The following PCLO variants were observed in gnomAD, a reference collection of about 807,000 sequenced individuals.
The protein encoded by PCLO is protein piccolo.
PCLO carries 82 observed loss-of-function variants against 427.5 expected under a neutral mutation model. The observed-to-expected ratio is 0.19, with a 90% CI of 0.16 to 0.23. The LOEUF is 0.23. PCLO is among the 10% of genes least tolerant of loss of function. The pLI is 1.00. For synonymous variants in PCLO, 2,357 were observed against 2,155.4 expected (o/e 1.09, Z -2.59); for missense variants, 6,239 against 6,115.9 (o/e 1.02, Z -0.67).
intron 3 of PCLO, among the ~76,000 whole-genome samples, chr7:83,027,240 T>A: frequency 7.0e-6 from 1 of 142,204 alleles, no homozygotes; most frequent in African/African-American, 2.6e-5. Context: ...GAGAGAAGAA[T>A]CAAATAGACG....
At chr7:82,833,749 G>A (rs1441218177) in intron 16 of PCLO, among the ~76,000 whole-genome samples, 1 of 152,048 alleles carries the variant, frequency 6.6e-6, no homozygotes, top group Non-Finnish European at 1.5e-5. Context: ...GATACACATT[G>A]CTAGCAATAA....
chr7:83,017,259 G>A (rs1384377805), intron 3 of PCLO, among the ~76,000 whole-genome samples: 1 of 152,002 alleles, frequency 6.6e-6, no homozygotes, highest in African/African-American at 2.4e-5. Flanking sequence ...TAAAACAGAA[G>A]ATAAATTCAT....
chr7:82,761,287 AT>A, intron 23 of PCLO, 71 bp downstream of exon 23: 1 of 858,922 alleles, frequency 1.2e-6, no homozygotes, highest in Middle Eastern at 3.7e-4. Context: ...TTTAGTTAAC[AT>A]TTTCCAGAAT....
chr7:82,970,110 C>T (rs1470331995), intron 3 of PCLO, among the ~76,000 whole-genome samples: 1 of 151,924 alleles, frequency 6.6e-6, no homozygotes, highest in Non-Finnish European at 1.5e-5. Context: ...AATCATATAA[C>T]ATATGCCTGC....
intron 3 of PCLO, among the ~76,000 whole-genome samples, chr7:83,009,481 T>C (rs1325818028): frequency 1.3e-5 from 2 of 151,846 alleles, no homozygotes; most frequent in African/African-American, 2.4e-5. Flanking sequence ...GGTTGAAGTA[T>C]AATGAGAAGG....
At chr7:83,127,801 G>GA (rs1468730761) in intron 3 of PCLO, among the ~76,000 whole-genome samples, 18 of 151,968 alleles carry the variant, frequency 1.2e-4, no homozygotes, top group African/African-American at 4.3e-4. Context: ...AGGATGTTCT[G>GA]ACCTAAAGTT....
intron 3 of PCLO, among the ~76,000 whole-genome samples, chr7:83,123,646 ACTT>A (rs759201599): frequency 1.3e-5 from 2 of 152,158 alleles, no homozygotes; most frequent in Non-Finnish European, 2.9e-5. Flanking sequence ...AAGTTAAAAA[ACTT>A]CTTCACAGCA....
At chr7:82,963,776 T>A (rs1204242993) in intron 4 of PCLO, among the ~76,000 whole-genome samples, 2 of 152,124 alleles carry the variant, frequency 1.3e-5, no homozygotes, top group African/African-American at 4.8e-5. Context: ...TAATTTTAGT[T>A]TATGTCACTG....
chr7:82,796,706 T>G (rs1159111123), intron 22 of PCLO, among the ~76,000 whole-genome samples: 1 of 150,546 alleles, frequency 6.6e-6, no homozygotes, highest in Non-Finnish European at 1.5e-5. Context: ...ATTGTTAAAA[T>G]ATACAATAGG....
chr7:82,854,777 T>C lies in PCLO; in HGVS notation c.13655-7530A>G, dbSNP rs933418944. On this transcript the variant is annotated intron_variant, in intron 10 of 24. Transcript: ENST00000333891. Reference sequence around the variant, plus strand: ...AAGGTAAATTCTGTATTTGAAACTCTCATTGATTTGGGATGTGATCTTGGA... The same window carrying C: ...AAGGTAAATTCTGTATTTGAAACTCCCATTGATTTGGGATGTGATCTTGGA... Among the ~76,000 whole-genome samples, 4 of 152,286 alleles carry C rather than the reference T, an allele frequency of 2.6e-5. No homozygotes were observed. The East Asian group carries it at 7.7e-4, about 29-fold the overall frequency.
Position 82,880,369 on chromosome 7 carries a change from A to G in PCLO, c.13529-907T>C, listed in dbSNP as rs1562833948. 4 of 395,358 alleles carry G rather than the reference A, an allele frequency of 1.0e-5. 1 individual carries two copies. Among genetic ancestry groups the G allele is most frequent in the Non-Finnish European group, 1.0e-5 (2 of 196,846 alleles). 24.5% of individuals were successfully genotyped at this position (395,358 alleles called of 1,614,324 possible). The stretch of plus-strand genomic sequence containing the variant: ...ATTTTGAAAGGCAAGAAACAAACAC[A>G]TATTAATCATGACAAATAATGAAAT... On this transcript the variant is annotated intron_variant, in intron 9 of 24. Transcript: ENST00000333891.
intron 3 of PCLO, among the ~76,000 whole-genome samples, chr7:83,038,633 T>TAA (rs1788893037): frequency 6.6e-6 from 1 of 152,046 alleles, no homozygotes; most frequent in Non-Finnish European, 1.5e-5. Flanking sequence ...CATCCATTGA[T>TAA]GAGTACTTGG....
chr7:82,815,257 T>C (rs1416785522), intron 20 of PCLO, among the ~76,000 whole-genome samples: 5 of 151,996 alleles, frequency 3.3e-5, no homozygotes, highest in East Asian at 1.9e-4. Context: ...ATAATGATAA[T>C]TGGCAGGCAT....
rs766742016 is a variant in PCLO, at chr7:82,955,875, A to G, written c.5078T>C (p.Phe1693Ser). 43 of 1,613,808 alleles carry G rather than the reference A, an allele frequency of 2.7e-5. No homozygotes were observed. Among genetic ancestry groups the G allele is most frequent in the Admixed American group, 3.3e-5 (2 of 59,998 alleles). ...CATTTCCAATTCTGGCTCTTCGTCA[A>G]AATACAAACTTGTTTTTTTCTGTGA... ...ESSQKKTSLY[F>S]DEEPELEMES... The change falls in exon 5 of 25, where the codon TTT becomes TCT. Residue 1693 changes from phenylalanine to serine, a missense_variant. This residue lies in a region of PCLO where 4,677 missense variants were observed against 4,468.4 expected (regional missense o/e 1.05). Coordinates refer to ENST00000333891, the MANE Select transcript of PCLO (RefSeq NM_033026.6).
chr7:83,001,889 A>G (rs974854672), intron 3 of PCLO, among the ~76,000 whole-genome samples: 3 of 152,006 alleles, frequency 2.0e-5, no homozygotes, highest in Non-Finnish European at 4.4e-5. Flanking sequence ...AGTATGTCAC[A>G]GGACTAAGTG....
chr7:83,162,598 A>T lies in PCLO; in HGVS notation c.-6T>A. 6.5e-7 allele frequency: 1 copy of T among 1,534,992 alleles called. No homozygotes were observed. The highest frequency in any genetic ancestry group is 8.8e-7 in the Non-Finnish European group (1 of 1,141,950). ...AAGCTCGCCTCGTTGCCCATGGCTC[A>T]GGGAGACTCGGGGCCGCCGCGCTCC... On this transcript the variant is annotated 5_prime_UTR_variant, in exon 1 of 25. Transcript: ENST00000333891.
At chr7:82,992,827 T>A (rs566747893) in intron 3 of PCLO, among the ~76,000 whole-genome samples, 1 of 141,818 alleles carries the variant, frequency 7.1e-6, no homozygotes, top group East Asian at 2.0e-4. Flanking sequence ...ACTGCTACTC[T>A]TTTAAAGTAC....
chr7:83,007,486 C>T (rs377748608), intron 3 of PCLO, among the ~76,000 whole-genome samples: 20 of 151,320 alleles, frequency 1.3e-4, no homozygotes, highest in African/African-American at 3.6e-4. Context: ...TATGGAAAAA[C>T]GATAACAACT....
intron 3 of PCLO, among the ~76,000 whole-genome samples, chr7:83,105,363 G>A (rs564674351): frequency 6.6e-6 from 1 of 152,232 alleles, no homozygotes; most frequent in South Asian, 2.1e-4. Flanking sequence ...AGTAAGTCAA[G>A]TTTATGAAAA....
Sources: allele counts gnomAD v4.1 joint callset (sites outside exome capture counted in the v4.1 genomes callset), GRCh38; gene constraint gnomAD v4.1.1; regional missense constraint gnomAD v4.1.1; transcripts MANE v1.5; gene names NCBI Gene and HGNC (gene_info 2026-07-23, HGNC 2026-07-21).